The following VPS8 variants were observed in gnomAD, a reference collection of about 807,000 sequenced individuals.
The protein encoded by VPS8 is VPS8 subunit of CORVET complex, also known as vacuolar protein sorting-associated protein 8 homolog.
Under a neutral mutation model 216.4 loss-of-function variants are expected in VPS8, and 129 were observed. The ratio of observed to expected loss-of-function variants is 0.60; its 90% CI spans 0.52 to 0.69. VPS8 has a LOEUF of 0.69. Among genes scored for constraint, VPS8 ranks in the 30% least tolerant of loss-of-function variants. The probability of loss-of-function intolerance (pLI) is 0.00; values close to 1 mark genes in which losing one functional copy is unlikely to be tolerated. For missense variants in VPS8, 1,531 were observed against 1,683.5 expected (o/e 0.91, Z 1.59); for synonymous variants, 571 against 565.4 (o/e 1.01, Z -0.14).
intron 22 of VPS8, 149 bp from the exon 23 acceptor site, chr3:184,894,554 C>A: frequency 4.7e-6 from 2 of 423,818 alleles, no homozygotes; most frequent in Non-Finnish European, 8.6e-6. Context: ...AAAGTTTTTG[C>A]AGTATAAAAC....
chr3:184,948,822 T>C (rs984037610), intron 36 of VPS8, among the ~76,000 whole-genome samples: 9 of 152,198 alleles, frequency 5.9e-5, no homozygotes, highest in African/African-American at 2.2e-4. Flanking sequence ...TCCCAGCCTG[T>C]ATAGAATTAG....
rs565380371 is a variant in VPS8, at chr3:184,886,508, T to TAC, written c.1781+362_1781+363dup. On this transcript the variant is annotated intron_variant, in intron 22 of 47. Transcript: ENST00000625842. ...GCATATATACACACACATATATATA[T>TAC]ACACACACACATACACATATACACA... Among the ~76,000 whole-genome samples, 429 of 149,818 alleles carry TAC rather than the reference T, an allele frequency of 2.9e-3. 2 individuals are homozygous for TAC. Among genetic ancestry groups the TAC allele is most frequent in the Middle Eastern group, 0.01 (3 of 286 alleles).
intron 42 of VPS8, among the ~76,000 whole-genome samples, chr3:184,991,510 A>G (rs1751891765): frequency 6.6e-6 from 1 of 152,226 alleles, no homozygotes; most frequent in Admixed American, 6.5e-5. Context: ...ACTGATACAA[A>G]TATAGAAATG....
intron 37 of VPS8, among the ~76,000 whole-genome samples, chr3:184,961,533 A>G (rs1342538190): frequency 6.6e-6 from 1 of 152,180 alleles, no homozygotes. Context: ...TTAAAAGTAG[A>G]GCACCCATTA....
chr3:184,837,870 T>C (rs1721414996), intron 5 of VPS8, among the ~76,000 whole-genome samples: 1 of 152,244 alleles, frequency 6.6e-6, no homozygotes, highest in African/African-American at 2.4e-5. Context: ...CTTGGAAATG[T>C]CTGTTTTTAA....
chr3:184,921,698 C>T (rs1278721389), intron 29 of VPS8, among the ~76,000 whole-genome samples: 1 of 151,806 alleles, frequency 6.6e-6, no homozygotes, highest in East Asian at 1.9e-4. Flanking sequence ...AGAGTAGCTG[C>T]GATTAGAGGC....
In VPS8 at chr3:184,910,641, A is replaced by G. The variant is rs534459916; in HGVS notation, c.2147-2878A>G. Among the ~76,000 whole-genome samples, 50 of 152,164 alleles carry G rather than the reference A, an allele frequency of 3.3e-4. 1 individual carries two copies. Among genetic ancestry groups the G allele is most frequent in the Middle Eastern group, 3.4e-3 (1 of 294 alleles). ...AGACAATTTGGGGATCTCTTCTTTG[A>G]TTCTTTACCTTTTGGGATTCCCCAA... On this transcript the variant is annotated intron_variant, in intron 25 of 47. Coordinates refer to ENST00000625842, the MANE Select transcript of VPS8 (RefSeq NM_001009921.3).
chr3:185,020,630 C>G (rs1193756155), intron 45 of VPS8, among the ~76,000 whole-genome samples: 1 of 152,148 alleles, frequency 6.6e-6, no homozygotes, highest in Non-Finnish European at 1.5e-5. Context: ...ACCAGCACTC[C>G]AGGCTAATTT....
chr3:184,957,570 C>A, intron 37 of VPS8, 49 bp downstream of exon 37: 2 of 1,530,438 alleles, frequency 1.3e-6, no homozygotes, highest in Non-Finnish European at 1.8e-6. Flanking sequence ...TCTTAACATT[C>A]TCCATTTGAC....
chr3:184,814,740 T>C (rs1715934840), intron 1 of VPS8, among the ~76,000 whole-genome samples: 1 of 152,220 alleles, frequency 6.6e-6, no homozygotes, highest in African/African-American at 2.4e-5. Flanking sequence ...TAGGACATTA[T>C]TGTACACTAC....
intron 25 of VPS8, among the ~76,000 whole-genome samples, chr3:184,904,988 G>A (rs561366723): frequency 7.2e-5 from 11 of 152,352 alleles, no homozygotes; most frequent in African/African-American, 2.6e-4. Flanking sequence ...CTGGCACCTA[G>A]TGTCTCATGA....
At chr3:184,935,422 AC>A (rs1741432124) in intron 34 of VPS8, among the ~76,000 whole-genome samples, 1 of 152,220 alleles carries the variant, frequency 6.6e-6, no homozygotes, top group Non-Finnish European at 1.5e-5. Flanking sequence ...ATCTACAAGT[AC>A]TACCTAACAC....
In VPS8 at chr3:184,950,216, CTTTTTTTTT is replaced by C. The variant is rs10700220; in HGVS notation, c.3036-7138_3036-7130del. Reference sequence around the variant, plus strand: ...AGCAACCACGCCCAGCAGTTTTCTGCTTTTTTTTTTTTTTTTTTTTTTTTTTTTACTCTA... The same window carrying C: ...AGCAACCACGCCCAGCAGTTTTCTGCTTTTTTTTTTTTTTTTTTTACTCTA... On this transcript the variant is annotated intron_variant, in intron 36 of 47. Coordinates refer to ENST00000625842, the MANE Select transcript of VPS8 (RefSeq NM_001009921.3). 6.3e-4 allele frequency among the ~76,000 whole-genome samples: 25 copies of C among 39,928 alleles called. 2 individuals are homozygous for C. Among genetic ancestry groups the C allele is most frequent in the East Asian group, 2.2e-3 (2 of 930 alleles). 26.2% of individuals were successfully genotyped at this position (39,928 alleles called of 152,430 possible).
intron 21 of VPS8, among the ~76,000 whole-genome samples, chr3:184,876,200 A>G (rs1729245039): frequency 1.3e-5 from 2 of 152,038 alleles, no homozygotes; most frequent in Non-Finnish European, 2.9e-5. Context: ...CTGACTGCTT[A>G]TTGATTCTCT....
intron 45 of VPS8, among the ~76,000 whole-genome samples, chr3:185,018,227 A>T (rs952428852): frequency 2.0e-5 from 3 of 152,206 alleles, no homozygotes; most frequent in Non-Finnish European, 2.9e-5. Flanking sequence ...AAAGCTAATA[A>T]CTGCAACACT....
At chr3:184,961,742 TTTTTTG>T (rs1268400519) in intron 37 of VPS8, among the ~76,000 whole-genome samples, 3 of 151,672 alleles carry the variant, frequency 2.0e-5, no homozygotes, top group African/African-American at 2.4e-5. Context: ...TTTTACCAAT[TTTTTTG>T]TTTTTGTTTT....
At chr3:184,906,244 C>A (rs1403278296) in intron 25 of VPS8, among the ~76,000 whole-genome samples, 1 of 152,082 alleles carries the variant, frequency 6.6e-6, no homozygotes, top group African/African-American at 2.4e-5. Flanking sequence ...ACATTTCCTT[C>A]TCATATTGAT....
intron 36 of VPS8, among the ~76,000 whole-genome samples, chr3:184,948,155 G>A (rs1443085462): frequency 2.6e-5 from 4 of 151,110 alleles, no homozygotes; most frequent in Non-Finnish European, 5.9e-5. Context: ...ACCAGTTTTA[G>A]CCTTATTATA....
intron 10 of VPS8, among the ~76,000 whole-genome samples, chr3:184,851,021 G>T (rs972582217): frequency 1.3e-5 from 2 of 152,150 alleles, no homozygotes; most frequent in Non-Finnish European, 2.9e-5. Flanking sequence ...TTGTATATAT[G>T]TCTTATCTCT....
Sources: allele counts gnomAD v4.1 joint callset (sites outside exome capture counted in the v4.1 genomes callset), GRCh38; gene constraint gnomAD v4.1.1; transcripts MANE v1.5; gene names NCBI Gene and HGNC (gene_info 2026-07-23, HGNC 2026-07-21).